NFASC: variants seen among roughly 807,000 people sequenced by gnomAD.
The protein encoded by NFASC is neurofascin homolog.
NFASC carries 43 observed loss-of-function variants against 147.5 expected under a neutral mutation model. That is an observed-to-expected ratio of 0.29 (90% CI 0.23 to 0.38). The LOEUF is 0.38. Among genes scored for constraint, NFASC ranks in the 10% least tolerant of loss-of-function variants. The probability of loss-of-function intolerance (pLI) is 1.00; values close to 1 mark genes in which losing one functional copy is unlikely to be tolerated. For missense variants in NFASC, 1,320 were observed against 1,689.0 expected (o/e 0.78, Z 3.83); for synonymous variants, 622 against 665.5 (o/e 0.93, Z 1.01).
chr1:204,933,416 G>A (rs2092544433), intron 2 of NFASC, among the ~76,000 whole-genome samples: 1 of 152,162 alleles, frequency 6.6e-6, no homozygotes, highest in Non-Finnish European at 1.5e-5. Context: ...TGGCTTGAAT[G>A]ACTTGGGTGG....
Position 204,877,068 on chromosome 1 carries a change from T to TTATATATATATAATATATTTATTTATA in NFASC, c.-199-43560_-199-43534dup, listed in dbSNP as rs1558550228. Among the ~76,000 whole-genome samples, 457 of 93,654 alleles carry TTATATATATATAATATATTTATTTATA rather than the reference T, an allele frequency of 4.9e-3. 13 individuals carry two copies. The highest frequency in any genetic ancestry group is 0.022 in the African/African-American group (426 of 19,136). 61.4% of individuals were successfully genotyped at this position (93,654 alleles called of 152,430 possible). A position where few individuals can be genotyped will look rare whatever the true frequency, so the allele number is the denominator to read the frequency against. The stretch of plus-strand genomic sequence containing the variant: ...ATATATAATATATTTATTTATATAT[T>TTATATATATATAATATATTTATTTATA]TATATATATATAATATATTTATTTA... On this transcript the variant is annotated intron_variant, in intron 1 of 29. Transcript: ENST00000339876.
Position 205,016,344 on chromosome 1 carries a change from A to G in NFASC, c.3528A>G (p.Thr1176=), listed in dbSNP as rs2096362031. ...EDNKPLQGSQ[T]SLDGTIKQQE... ...ACAAGCCCCTGCAGGGCAGTCAGAC[A>G]TCTCTGGACGGCACCATCAAGCAGC... The change falls in exon 30 of 30, where the codon ACA becomes ACG. Residue 1176 remains threonine, a synonymous_variant. Transcript: ENST00000339876. The surrounding 1 kb of genome is among the most constrained non-coding windows in gnomAD (Gnocchi z 5.1). 6.2e-7 allele frequency: 1 copy of G among 1,614,002 alleles called. No individual in the cohort carries two copies. Among genetic ancestry groups the G allele is most frequent in the Non-Finnish European group, 8.5e-7 (1 of 1,179,962 alleles).
rs2095344046 is a variant in NFASC at position 204,974,255 on chromosome 1, C to T, written c.1356C>T (p.Cys452=). 9 of 1,613,994 alleles carry T rather than the reference C, an allele frequency of 5.6e-6. No homozygotes were observed. Among genetic ancestry groups the T allele is most frequent in the Non-Finnish European group, 7.6e-6 (9 of 1,180,008 alleles). ...VILYNRTRLD[C]PFFGSPIPTL... ...TTTACAACCGGACGCGGCTGGACTGCCCTTTCTTTGGGTCTCCCATCCCCA... is the reference window on the plus strand; with the variant it reads ...TTTACAACCGGACGCGGCTGGACTGTCCTTTCTTTGGGTCTCCCATCCCCA... Residue 452 remains cysteine, a synonymous_variant, in exon 13 of 30, where the codon TGC becomes TGT. Transcript: ENST00000339876.
intron 2 of NFASC, among the ~76,000 whole-genome samples, chr1:204,923,038 C>G (rs1404785499): frequency 6.6e-6 from 1 of 152,210 alleles, no homozygotes; most frequent in Non-Finnish European, 1.5e-5. Flanking sequence ...AAGGAACTTG[C>G]CCAAAGCCCC....
At chr1:204,892,032 C>G (rs1273844860) in intron 1 of NFASC, among the ~76,000 whole-genome samples, 2 of 152,172 alleles carry the variant, frequency 1.3e-5, no homozygotes, top group Non-Finnish European at 2.9e-5. Flanking sequence ...CAGGAATGTG[C>G]CTTGTATGCT....
chr1:204,891,202 A>G (rs2082323410), intron 1 of NFASC, among the ~76,000 whole-genome samples: 1 of 152,168 alleles, frequency 6.6e-6, no homozygotes, highest in Non-Finnish European at 1.5e-5. Context: ...AGGGAGTGCA[A>G]TCCCAGAGAA....
intron 1 of NFASC, among the ~76,000 whole-genome samples, chr1:204,838,246 C>T (rs1674329758): frequency 6.6e-6 from 1 of 152,186 alleles, no homozygotes. Flanking sequence ...TTTTGAATTA[C>T]ATTAAATTTA....
chr1:204,894,235 C>T (rs897349609), intron 1 of NFASC, among the ~76,000 whole-genome samples: 6 of 152,350 alleles, frequency 3.9e-5, no homozygotes, highest in Admixed American at 3.9e-4. Context: ...CATTGGCCAA[C>T]TTGGCCATAT....
intron 2 of NFASC, among the ~76,000 whole-genome samples, chr1:204,940,265 C>T (rs1027239545): frequency 6.6e-6 from 1 of 152,126 alleles, no homozygotes; most frequent in African/African-American, 2.4e-5. Context: ...CCAGCCTGGG[C>T]AACATGGTCA....
chr1:204,901,987 A>G (rs1206295338), intron 1 of NFASC, among the ~76,000 whole-genome samples: 1 of 152,164 alleles, frequency 6.6e-6, no homozygotes, highest in Non-Finnish European at 1.5e-5. Context: ...GCACTTACCC[A>G]AGAGTAAATG....
intron 4 of NFASC, 112 bp downstream of exon 4, chr1:204,950,686 A>C: frequency 1.1e-6 from 1 of 947,984 alleles, no homozygotes; most frequent in Non-Finnish European, 1.7e-6. Context: ...GGGCCTCTTC[A>C]TACCAGAGCC....
At chr1:204,967,967 C>A in intron 8 of NFASC, 6 of 281,026 alleles carry the variant, frequency 2.1e-5, no homozygotes, top group South Asian at 1.6e-4. Flanking sequence ...CAGCCCCTCC[C>A]CGTTCCAGGG....
rs2095057821 is a variant in NFASC, at chr1:204,968,068, C to T, written c.707-181C>T. On this transcript the variant is annotated intron_variant, in intron 8 of 29. Transcript: ENST00000339876. The surrounding 1 kb of genome is among the most constrained non-coding windows in gnomAD (Gnocchi z 5.4). Reference sequence around the variant, plus strand: ...GCTCCTCTCTCTCATGTAGGTGGGGCTGAGGAGCCCTGGGCTTCCTAACAC... The same window carrying T: ...GCTCCTCTCTCTCATGTAGGTGGGGTTGAGGAGCCCTGGGCTTCCTAACAC... 5.2e-6 allele frequency: 3 copies of T among 574,350 alleles called. No individual in the cohort carries two copies. 35.6% of individuals were successfully genotyped at this position (574,350 alleles called of 1,614,324 possible).
In NFASC at chr1:204,882,468, G is replaced by A. The variant is rs186126042; in HGVS notation, c.-199-38164G>A. 7.4e-4 allele frequency among the ~76,000 whole-genome samples: 113 copies of A among 151,874 alleles called. 1 individual carries two copies. The highest frequency in any genetic ancestry group is 4.2e-3 in the South Asian group (20 of 4,810). ...CAGTTCGCTCCTTTATTTTATTTAA[G>A]TCTCTCTTTGATATCACTTCCTGAC... On this transcript the variant is annotated intron_variant, in intron 1 of 29. Transcript: ENST00000339876.
At position 204,846,952 on chromosome 1, in the gene NFASC, C is replaced by CGTGT. The variant is rs917596959; in HGVS notation, c.-200+18194_-200+18197dup. On this transcript the variant is annotated intron_variant, in intron 1 of 29. Transcript: ENST00000339876. ...AGACTGCTGCCTGTGTGTGTGTACG[C>CGTGT]GTGTGTGTGTGTGTGTGTGTGTGTG... Among the ~76,000 whole-genome samples the CGTGT allele has an allele frequency of 4.7e-4, 58 of 124,650 alleles. 2 individuals carry two copies. The highest frequency in any genetic ancestry group is 8.0e-3 in the Middle Eastern group (2 of 250). 81.8% of individuals were successfully genotyped at this position (124,650 alleles called of 152,430 possible). A position where few individuals can be genotyped will look rare whatever the true frequency, so the allele number is the denominator to read the frequency against.
intron 2 of NFASC, among the ~76,000 whole-genome samples, chr1:204,938,641 G>T (rs1002785379): frequency 2.0e-5 from 3 of 152,130 alleles, no homozygotes; most frequent in Non-Finnish European, 4.4e-5. Context: ...CATGTCCAGA[G>T]GTCTTCTACC....
chr1:204,963,552 A>G (rs2094796218), intron 8 of NFASC, among the ~76,000 whole-genome samples: 1 of 152,240 alleles, frequency 6.6e-6, no homozygotes, highest in Non-Finnish European at 1.5e-5. Context: ...CACTTAAACC[A>G]GTTTGTGACC....
chr1:204,976,810 T>TCACC lies in NFASC; in HGVS notation c.1831+17_1831+20dup, dbSNP rs770280081. 1.2e-6 allele frequency: 2 copies of TCACC among 1,611,158 alleles called. No homozygotes were observed. Among genetic ancestry groups the TCACC allele is most frequent in the Non-Finnish European group, 1.7e-6 (2 of 1,178,452 alleles). ...CACCGTGCTAGGTAACTGCCCATGC[T>TCACC]CACCCTGGCACTGACCAGCCCCACC... On this transcript the variant is annotated intron_variant, in intron 16 of 29. Transcript: ENST00000339876.
rs12410665 is a variant in NFASC, at chr1:204,868,191, C to T, written c.-200+39409C>T. Among the ~76,000 whole-genome samples the T allele has an allele frequency of 0.017, 2,635 of 152,324 alleles. 150 individuals carry two copies. In the East Asian group the frequency reaches 0.2, roughly 12 times the overall value. On this transcript the variant is annotated intron_variant, in intron 1 of 29. Transcript: ENST00000339876. Reference sequence around the variant, plus strand: ...CCAGCTGGACGGCCTCTGGCCTGCTCAGTCCACCCTGTCCCCAAGTCCCTG... The same window carrying T: ...CCAGCTGGACGGCCTCTGGCCTGCTTAGTCCACCCTGTCCCCAAGTCCCTG...
Sources: allele counts gnomAD v4.1 joint callset (sites outside exome capture counted in the v4.1 genomes callset), GRCh38; gene constraint gnomAD v4.1.1; non-coding constraint Gnocchi (gnomAD v3.1); transcripts MANE v1.5; gene names NCBI Gene and HGNC (gene_info 2026-07-23, HGNC 2026-07-21).